The following TEX36 variants were observed in gnomAD, a reference collection of about 807,000 sequenced individuals.
TEX36 encodes testis expressed 36.
TEX36 carries 12 observed loss-of-function variants against 13.6 expected under a neutral mutation model. The ratio of observed to expected loss-of-function variants is 0.88; its 90% CI spans 0.56 to 1.43. The LOEUF (loss-of-function observed/expected upper bound fraction) is 1.43, where lower values mean the gene tolerates loss of function less well. TEX36 is among the 40% of genes most tolerant of loss of function. TEX36 has a pLI of 0.00. For missense variants in TEX36, 224 were observed against 228.3 expected (o/e 0.98, Z 0.12); for synonymous variants, 93 against 83.0 (o/e 1.12, Z -0.65).
At chr10:125,656,457 C>T (rs1846946609) in intron 3 of TEX36, among the ~76,000 whole-genome samples, 1 of 151,768 alleles carries the variant, frequency 6.6e-6, no homozygotes, top group Non-Finnish European at 1.5e-5. Flanking sequence ...AGGGTTTTGC[C>T]ATGTTGCCCA....
intron 3 of TEX36, among the ~76,000 whole-genome samples, chr10:125,660,373 C>A (rs1421207461): frequency 2.6e-5 from 4 of 152,222 alleles, no homozygotes; most frequent in African/African-American, 7.2e-5. Flanking sequence ...GATCCTCCCA[C>A]CTCAGCCTCC....
downstream of TEX36, among the ~76,000 whole-genome samples, chr10:125,619,207 C>G (rs1240802631): frequency 3.9e-5 from 6 of 151,996 alleles, no homozygotes; most frequent in Non-Finnish European, 8.8e-5. Context: ...TGCACCAAGA[C>G]AGATCGTGGA....
Position 125,622,774 on chromosome 10 carries a change from T to A in TEX36, c.265-1129A>T, listed in dbSNP as rs888481121. On this transcript the variant is annotated intron_variant, in intron 3 of 3. Coordinates refer to the TEX36 transcript ENST00000526819. ...CCTTCATCGAGGAGTAGTAGTCGATTTCATCTTGATAGTCCAGGTCAATCA... is the reference window on the plus strand; with the variant it reads ...CCTTCATCGAGGAGTAGTAGTCGATATCATCTTGATAGTCCAGGTCAATCA... Among the ~76,000 whole-genome samples the A allele has an allele frequency of 4.0e-4, 61 of 152,322 alleles. 1 individual carries two copies. Among genetic ancestry groups the A allele is most frequent in the African/African-American group, 1.3e-3 (54 of 41,578 alleles).
intron 3 of TEX36, among the ~76,000 whole-genome samples, chr10:125,644,937 T>C (rs939469674): frequency 6.6e-5 from 10 of 152,072 alleles, no homozygotes; most frequent in African/African-American, 1.2e-4. Flanking sequence ...GGATTGGAGA[T>C]GGAGGGGCCA....
intron 3 of TEX36, among the ~76,000 whole-genome samples, chr10:125,638,735 G>T (rs1235109792): frequency 6.6e-6 from 1 of 152,172 alleles, no homozygotes; most frequent in African/African-American, 2.4e-5. Flanking sequence ...AACTGAGCTG[G>T]TCTGCAGCCA....
chr10:125,586,719 A>T (rs1489038668), intron 3 of TEX36, among the ~76,000 whole-genome samples: 1 of 149,356 alleles, frequency 6.7e-6, no homozygotes, highest in Non-Finnish European at 1.5e-5. Context: ...AAGGGGGAGG[A>T]TTGCTTGAGT....
intron 1 of TEX36, among the ~76,000 whole-genome samples, chr10:125,677,457 T>C (rs1230243982): frequency 3.3e-5 from 5 of 152,210 alleles, no homozygotes; most frequent in African/African-American, 7.2e-5. Flanking sequence ...CTTCAAGTTC[T>C]GAGATTCTTC....
intron 3 of TEX36, among the ~76,000 whole-genome samples, chr10:125,639,603 G>A (rs1170456755): frequency 6.6e-6 from 1 of 151,836 alleles, no homozygotes; most frequent in Non-Finnish European, 1.5e-5. Context: ...GGGGCAATGT[G>A]GGGGGGTGGG....
intron 1 of TEX36, among the ~76,000 whole-genome samples, chr10:125,663,597 G>A (rs931949661): frequency 6.6e-6 from 1 of 152,130 alleles, no homozygotes; most frequent in African/African-American, 2.4e-5. Context: ...TATTCTGACT[G>A]GGATAAGATG....
chr10:125,640,915 G>C (rs1294426289), intron 3 of TEX36, among the ~76,000 whole-genome samples: 1 of 151,972 alleles, frequency 6.6e-6, no homozygotes, highest in African/African-American at 2.4e-5. Context: ...CAGAACATAT[G>C]GGAAGCCTAT....
chr10:125,618,942 TAAAAAAAAAAA>T (rs11452140), downstream of TEX36, among the ~76,000 whole-genome samples: 6,318 of 43,762 alleles, frequency 0.14, 224 homozygotes, highest in Admixed American at 0.27. Flanking sequence ...CCGTCTCTAC[TAAAAAAAAAAA>T]AAAAAAAAAA....
intron 3 of TEX36, among the ~76,000 whole-genome samples, chr10:125,599,389 G>A (rs777841142): frequency 3.9e-5 from 6 of 152,186 alleles, no homozygotes; most frequent in Non-Finnish European, 7.3e-5. Flanking sequence ...TGTTCTGTGT[G>A]TGCATATGTG....
chr10:125,602,393 C>T (rs1049796723), intron 3 of TEX36, among the ~76,000 whole-genome samples: 8 of 152,202 alleles, frequency 5.3e-5, no homozygotes, highest in South Asian at 2.1e-4. Flanking sequence ...CATCCCTCTA[C>T]CACTCTGTAT....
chr10:125,670,559 GTTTAT>G (rs1483625660), intron 1 of TEX36, among the ~76,000 whole-genome samples: 2 of 152,120 alleles, frequency 1.3e-5, no homozygotes, highest in Admixed American at 6.6e-5. Context: ...TCTGATGATA[GTTTAT>G]TTTGCTGTGC....
chr10:125,600,698 A>G (rs1846135107), intron 3 of TEX36, among the ~76,000 whole-genome samples: 1 of 152,150 alleles, frequency 6.6e-6, no homozygotes, highest in Non-Finnish European at 1.5e-5. Context: ...TGAGTTACAG[A>G]GCTCAGGAGG....
downstream of TEX36, among the ~76,000 whole-genome samples, chr10:125,620,145 A>T (rs297257): frequency 0.45 from 68,980 of 151,972 alleles, 19,253 homozygotes; most frequent in African/African-American, 0.8. Flanking sequence ...GATTTGTCCT[A>T]CTTGGGTCAA....
At chr10:125,654,772 GATA>G (rs961904599), downstream of TEX36, among the ~76,000 whole-genome samples, 28 of 152,140 alleles carry the variant, frequency 1.8e-4, no homozygotes, top group African/African-American at 6.8e-4. Context: ...ATATTTAAAT[GATA>G]ATGTGAGAGG....
downstream of TEX36, among the ~76,000 whole-genome samples, chr10:125,652,689 G>A (rs1846878220): frequency 6.6e-6 from 1 of 152,190 alleles, no homozygotes; most frequent in East Asian, 1.9e-4. Context: ...TACCATCAGA[G>A]TGAACAGGCA....
At position 125,655,726 on chromosome 10, in the gene TEX36, A is replaced by C; in HGVS notation, c.*174T>G. On this transcript the variant is annotated 3_prime_UTR_variant, in exon 4 of 4. Coordinates refer to ENST00000368821, the MANE Select transcript of TEX36 (RefSeq NM_001128202.3). ...GGCCATCTGAAAAGTTTATTTACAC[A>C]TGCGTATGTCATCACAAATTCATTT... The C allele has an allele frequency of 7.8e-7, 1 of 1,286,896 alleles. No individual in the cohort carries two copies. Among genetic ancestry groups the C allele is most frequent in the Non-Finnish European group, 9.8e-7 (1 of 1,019,298 alleles). 79.7% of individuals were successfully genotyped at this position (1,286,896 alleles called of 1,614,324 possible). A position where few individuals can be genotyped will look rare whatever the true frequency, so the allele number is the denominator to read the frequency against.
Sources: allele counts gnomAD v4.1 joint callset (sites outside exome capture counted in the v4.1 genomes callset), GRCh38; gene constraint gnomAD v4.1.1; transcripts MANE v1.5; gene names NCBI Gene and HGNC (gene_info 2026-07-23, HGNC 2026-07-21).